Variants in DNAJC7 observed in about 807,000 individuals in gnomAD.
The protein encoded by DNAJC7 is DnaJ heat shock protein family (Hsp40) member C7.
Under a neutral mutation model 67.4 loss-of-function variants are expected in DNAJC7, and 18 were observed. The observed-to-expected ratio is 0.27, with a 90% CI of 0.18 to 0.40. DNAJC7 has a LOEUF of 0.40. DNAJC7 is among the 10% of genes least tolerant of loss of function. The pLI is 1.00. For synonymous variants in DNAJC7, 220 were observed against 207.8 expected, an observed-to-expected ratio of 1.06 and a Z score of -0.50; for missense variants, 419 against 613.8, an observed-to-expected ratio of 0.68 and a Z score of 3.35.
intron 12 of DNAJC7, among the ~76,000 whole-genome samples, chr17:41,978,834 C>CT (rs1158294987): frequency 6.6e-6 from 1 of 151,928 alleles, no homozygotes; most frequent in African/African-American, 2.4e-5. Flanking sequence ...GAGCAGAGAT[C>CT]GCGCCACTGC....
intron 1 of DNAJC7, chr17:42,003,440 A>G (rs1555649724): frequency 6.6e-6 from 1 of 152,230 alleles, no homozygotes; most frequent in Non-Finnish European, 1.5e-5. Flanking sequence ...TGCATCAGGA[A>G]CAATTCCAGT....
At chr17:41,983,335 T>C (rs1282488983) in intron 10 of DNAJC7, among the ~76,000 whole-genome samples, 1 of 152,066 alleles carries the variant, frequency 6.6e-6, no homozygotes, top group African/African-American at 2.4e-5. Flanking sequence ...TGTTGGCCAG[T>C]CTGGTCTCCA....
chr17:41,997,055 G>T (rs898302567), intron 3 of DNAJC7, 60 bp downstream of exon 3: 1 of 1,609,584 alleles, frequency 6.2e-7, no homozygotes, highest in East Asian at 2.2e-5. Flanking sequence ...GAAATACGGG[G>T]CTAGAGAAAC....
At chr17:41,985,230 G>C (rs1157566111) in intron 9 of DNAJC7, 1 of 152,058 alleles carries the variant, frequency 6.6e-6, no homozygotes, top group East Asian at 1.9e-4. Context: ...AACATCTTGG[G>C]CATCTTTGAT....
rs942909860 is a variant in DNAJC7, at chr17:42,017,359, C to A, written c.58G>T (p.Asp20Tyr). ...GGTTACCTCTTCGCCTCTTGGTCGT[C>A]GAGCAGCTCCGGCTCGGTCGCCGCC... Reference protein sequence around the residue: ...VMAATEPELLDDQEAKREAET... With the variant: ...VMAATEPELLYDQEAKREAET... The change falls in exon 1 of 14, where the codon GAC (aspartate) becomes TAC (tyrosine). Residue 20 changes from aspartate (D) to tyrosine (Y), a missense_variant. Transcript: ENST00000457167. 6 of 1,611,230 alleles carry A rather than the reference C, an allele frequency of 3.7e-6. No homozygotes were observed. In the East Asian group the frequency reaches 6.7e-5, roughly 18 times the overall value.
chr17:42,007,855 T>C (rs1471663200), intron 1 of DNAJC7, among the ~76,000 whole-genome samples: 1 of 143,120 alleles, frequency 7.0e-6, no homozygotes, highest in Non-Finnish European at 1.5e-5. Context: ...TTTTTTTTTT[T>C]TTTTTTTGAG....
intron 5 of DNAJC7, among the ~76,000 whole-genome samples, chr17:41,992,117 G>A (rs907905683): frequency 1.5e-4 from 23 of 152,202 alleles, no homozygotes; most frequent in African/African-American, 4.1e-4. Context: ...AGCAGTGACA[G>A]GAATGCCTCT....
chr17:41,994,821 G>T, intron 5 of DNAJC7, 49 bp downstream of exon 5: 2 of 1,538,234 alleles, frequency 1.3e-6, no homozygotes, highest in Non-Finnish European at 9.0e-7. Context: ...ACACGAATGG[G>T]AATTTTGCGA....
chr17:41,982,584 C>T (rs943488177), intron 10 of DNAJC7, among the ~76,000 whole-genome samples, 183 bp from the exon 11 acceptor site: 6 of 152,054 alleles, frequency 3.9e-5, no homozygotes, highest in South Asian at 2.1e-4. Context: ...TGCCTGTAAT[C>T]GCAGCACTTT....
At chr17:41,992,894 C>A (rs2051547114) in intron 5 of DNAJC7, 1 of 152,048 alleles carries the variant, frequency 6.6e-6, no homozygotes, top group Admixed American at 6.6e-5. Context: ...AGAAAAGAAA[C>A]CCAAAAGACC....
At chr17:41,986,047 T>TTAAAAAAAAAAAA (rs2051365842) in intron 9 of DNAJC7, 1 of 32,570 alleles carries the variant, frequency 3.1e-5, no homozygotes, top group South Asian at 2.2e-3. Context: ...GGGGCTTGCT[T>TTAAAAAAAAAAAA]AAAAAAAAAA....
intron 9 of DNAJC7, among the ~76,000 whole-genome samples, chr17:41,986,526 C>T (rs2051384505): frequency 6.6e-6 from 1 of 151,072 alleles, no homozygotes; most frequent in South Asian, 2.1e-4. Context: ...GATTCTCCCC[C>T]CGCCTTTTTT....
At chr17:41,978,304 G>C (rs903395278) in intron 12 of DNAJC7, among the ~76,000 whole-genome samples, 17 of 152,160 alleles carry the variant, frequency 1.1e-4, no homozygotes, top group African/African-American at 3.6e-4. Flanking sequence ...TTCTCTGCTT[G>C]CATCTGTGTG....
At chr17:42,008,478 C>T (rs942053307) in intron 1 of DNAJC7, among the ~76,000 whole-genome samples, 1 of 151,658 alleles carries the variant, frequency 6.6e-6, no homozygotes. Flanking sequence ...GGCGCCATCT[C>T]GGCTCATTGC....
At position 41,989,484 on chromosome 17, in the gene DNAJC7, A is replaced by C. The variant is rs1555647365; in HGVS notation, c.673T>G (p.Cys225Gly). Residue 225 changes from cysteine to glycine, a missense_variant, in exon 7 of 14, where the codon TGT becomes GGT. By Grantham distance (159) the Cys-to-Gly change is radical (BLOSUM62 -3). Coordinates refer to ENST00000457167, the MANE Select transcript of DNAJC7 (RefSeq NM_003315.4). The stretch of plus-strand genomic sequence containing the variant: ...AAAAACTGAACTGCCTTCTCAATAC[A>C]ATCTTCGTAATAAAGGCAAAGACCT... ...VRGLCLYYED[C>G]IEKAVQFFVQ... is the part of the protein sequence containing the mutation. 5 of 1,614,002 alleles carry C rather than the reference A, an allele frequency of 3.1e-6. No homozygotes were observed. Among genetic ancestry groups the C allele is most frequent in the Non-Finnish European group, 3.4e-6 (4 of 1,179,882 alleles).
In DNAJC7 at chr17:41,976,472, C is replaced by A; in HGVS notation, c.*261G>T. The A allele has an allele frequency of 1.6e-5, 6 of 371,686 alleles. No individual in the cohort carries two copies. Among genetic ancestry groups the A allele is most frequent in the Non-Finnish European group, 2.4e-5 (5 of 210,692 alleles). The allele number at this position is 371,686 out of a possible 1,614,324, so 23.0% of individuals were successfully genotyped here. ...AAACATTTTATTCTCTTTTTTTTTT[C>A]TTTTTTAATAAAGTTAAACAGTAAA... On this transcript the variant is annotated 3_prime_UTR_variant, in exon 14 of 14. Coordinates refer to ENST00000457167, the MANE Select transcript of DNAJC7 (RefSeq NM_003315.4).
At chr17:42,008,413 T>A (rs1199041675) in intron 1 of DNAJC7, among the ~76,000 whole-genome samples, 1 of 13,958 alleles carries the variant, frequency 7.2e-5, no homozygotes, top group African/African-American at 4.4e-4. Context: ...TATATAGATA[T>A]AGATTTTTTT....
chr17:41,985,968 TAAAC>T (rs1485060235), intron 9 of DNAJC7: 4 of 132,472 alleles, frequency 3.0e-5, no homozygotes, highest in Non-Finnish European at 4.7e-5. Flanking sequence ...TTCTTGCACA[TAAAC>T]AAAGAAGAAA....
chr17:41,989,305 C>A, intron 7 of DNAJC7, 99 bp downstream of exon 7: 1 of 1,451,494 alleles, frequency 6.9e-7, no homozygotes, highest in Non-Finnish European at 9.3e-7. Flanking sequence ...GGAGGAAAAG[C>A]TATCACATTC....
Sources: allele counts gnomAD v4.1 joint callset (sites outside exome capture counted in the v4.1 genomes callset), GRCh38; gene constraint gnomAD v4.1.1; transcripts MANE v1.5; gene names NCBI Gene and HGNC (gene_info 2026-07-23, HGNC 2026-07-21).